Variants in DCBLD1 observed in about 807,000 individuals in gnomAD.
DCBLD1 encodes the protein discoidin, CUB and LCCL domain containing 1.
A neutral mutation model predicts 71.5 loss-of-function variants in DCBLD1; 57 were observed. That is an observed-to-expected ratio of 0.80 (90% CI 0.64 to 0.99). The LOEUF (loss-of-function observed/expected upper bound fraction) is 0.99. Ranked by LOEUF, DCBLD1 falls within the 50% of genes least tolerant of loss-of-function variation. The pLI, the probability that DCBLD1 is intolerant of heterozygous loss-of-function variation, is 0.00. For synonymous variants in DCBLD1, 380 were observed against 363.8 expected, an observed-to-expected ratio of 1.04 and a Z score of -0.51; for missense variants, 891 against 923.5, an observed-to-expected ratio of 0.96 and a Z score of 0.46.
chr6:117,483,493 C>T (rs572521347), intron 1 of DCBLD1, among the ~76,000 whole-genome samples: 8 of 152,190 alleles, frequency 5.3e-5, no homozygotes, highest in Non-Finnish European at 8.8e-5. Flanking sequence ...CCTGCTGGCG[C>T]CGCAAGTTGG....
At position 117,548,198 on chromosome 6, in the gene DCBLD1, C is replaced by G. The variant is rs1055974215; in HGVS notation, c.1907C>G (p.Ser636Trp). Residue 636 changes from serine to tryptophan, a missense_variant, in exon 15 of 15, where the codon TCG becomes TGG. By Grantham distance (177) the Ser-to-Trp change is radical (BLOSUM62 -3). Transcript: ENST00000338728. ...PQPGHKHSLSSGGFSPVAGVG... is the reference protein window; with the variant it reads ...PQPGHKHSLSWGGFSPVAGVG... ...CCCGGCCACAAACACTCCCTCTCCT[C>G]GGGCGGCTTCTCCCCCGTAGCGGGT... 3.2e-6 allele frequency: 5 copies of G among 1,550,356 alleles called. No homozygotes were observed. The African/African-American group carries it at 5.5e-5, about 17-fold the overall frequency.
intron 1 of DCBLD1, among the ~76,000 whole-genome samples, chr6:117,490,141 T>A (rs1186084569): frequency 6.6e-6 from 1 of 151,686 alleles, no homozygotes; most frequent in Non-Finnish European, 1.5e-5. Flanking sequence ...AGCAAATACA[T>A]GTGTGTACAC....
At chr6:117,538,944 C>A in intron 8 of DCBLD1, 109 bp downstream of exon 8, 1 of 1,130,312 alleles carries the variant, frequency 8.8e-7, no homozygotes, top group Non-Finnish European at 1.2e-6. Context: ...TACCTACCTC[C>A]AAGTTCTTGA....
chr6:117,537,633 T>C (rs1418661376), intron 7 of DCBLD1, among the ~76,000 whole-genome samples: 1 of 148,820 alleles, frequency 6.7e-6, no homozygotes, highest in Non-Finnish European at 1.5e-5. Flanking sequence ...TTTTTTTTTT[T>C]TTTCCTTTTT....
At chr6:117,494,576 G>A (rs999514129) in intron 1 of DCBLD1, among the ~76,000 whole-genome samples, 13 of 151,782 alleles carry the variant, frequency 8.6e-5, no homozygotes, top group Non-Finnish European at 8.8e-5. Flanking sequence ...GAATTGTTTC[G>A]CTGTACAAAC....
At chr6:117,532,506 A>C (rs570566771) in intron 6 of DCBLD1, 113 bp downstream of exon 6, 25 of 1,351,322 alleles carry the variant, frequency 1.9e-5, no homozygotes, top group Non-Finnish European at 2.4e-5. Context: ...AGGGTTTGTC[A>C]ACTGGAAAAA....
intron 14 of DCBLD1, among the ~76,000 whole-genome samples, chr6:117,547,405 G>A (rs1779301698): frequency 6.6e-6 from 1 of 152,154 alleles, no homozygotes; most frequent in South Asian, 2.1e-4. Flanking sequence ...AATAGCGCCT[G>A]GCAAAGAGTA....
chr6:117,561,894 T>C, intron 14 of DCBLD1: 1 of 207,208 alleles, frequency 4.8e-6, no homozygotes, highest in Non-Finnish European at 9.9e-6. Flanking sequence ...ATATAGTGTA[T>C]CTGGGAAAGC....
exon 15 of DCBLD1, chr6:117,569,781 T>G: frequency 6.6e-7 from 1 of 1,504,892 alleles, no homozygotes; most frequent in Non-Finnish European, 8.8e-7. Context: ...CTTTGTAAGG[T>G]ACAGTTACCG....
chr6:117,559,089 C>T (rs774272152), intron 14 of DCBLD1, among the ~76,000 whole-genome samples: 8 of 152,206 alleles, frequency 5.3e-5, no homozygotes, highest in Admixed American at 1.3e-4. Flanking sequence ...ACTCACCAAC[C>T]AGATGTCACT....
intron 7 of DCBLD1, 71 bp from the exon 8 acceptor site, chr6:117,538,549 G>A: frequency 7.1e-7 from 1 of 1,402,278 alleles, no homozygotes; most frequent in South Asian, 1.2e-5. Context: ...TAGGTGAGAT[G>A]TGGTACTACT....
At position 117,482,713 on chromosome 6, in the gene DCBLD1, C is replaced by G. The variant is rs1295682799; in HGVS notation, c.-69C>G. On this transcript the variant is annotated 5_prime_UTR_variant, in exon 1 of 15. Transcript: ENST00000338728. ...CTCGTCCGCAGAGGAGGCGGCCCGGCCCGGGCAGCTGCGGCTCGGGATCCG... is the reference window on the plus strand; with the variant it reads ...CTCGTCCGCAGAGGAGGCGGCCCGGGCCGGGCAGCTGCGGCTCGGGATCCG... The G allele has an allele frequency of 2.3e-5, 25 of 1,103,202 alleles. No individual in the cohort carries two copies. The highest frequency in any genetic ancestry group is 2.8e-5 in the Non-Finnish European group (25 of 906,504). 68.3% of individuals were successfully genotyped at this position (1,103,202 alleles called of 1,614,324 possible). A position where few individuals can be genotyped will look rare whatever the true frequency, so the allele number is the denominator to read the frequency against.
intron 7 of DCBLD1, 150 bp downstream of exon 7, chr6:117,537,375 A>G (rs539055615): frequency 8.0e-5 from 51 of 641,122 alleles, no homozygotes; most frequent in Non-Finnish European, 1.3e-4. Context: ...TCTACTAAAA[A>G]TACAAAAAAT....
chr6:117,483,389 C>T (rs1562422443), intron 1 of DCBLD1, among the ~76,000 whole-genome samples: 1 of 152,222 alleles, frequency 6.6e-6, no homozygotes, highest in Non-Finnish European at 1.5e-5. Context: ...CCGGCGTGTG[C>T]GTTCGGGGCT....
chr6:117,527,273 CAG>C (rs927205051), intron 5 of DCBLD1, among the ~76,000 whole-genome samples: 17 of 152,288 alleles, frequency 1.1e-4, no homozygotes, highest in African/African-American at 1.9e-4. Flanking sequence ...CACCCACACT[CAG>C]GGGGATTCAG....
chr6:117,565,187 G>T (rs548348702), intron 14 of DCBLD1, among the ~76,000 whole-genome samples: 17 of 152,258 alleles, frequency 1.1e-4, no homozygotes, highest in African/African-American at 3.9e-4. Flanking sequence ...ATTCTAGTTA[G>T]AAGAGTAGCA....
chr6:117,513,950 G>A (rs1778107653), intron 2 of DCBLD1, among the ~76,000 whole-genome samples: 1 of 152,146 alleles, frequency 6.6e-6, no homozygotes. Context: ...GGGCAGGGGT[G>A]AGTGGAGAAA....
Position 117,549,499 on chromosome 6 carries a change from T to C in DCBLD1, c.*1060T>C, listed in dbSNP as rs778533330. 9 of 985,308 alleles carry C rather than the reference T, an allele frequency of 9.1e-6. No individual in the cohort carries two copies. Among genetic ancestry groups the C allele is most frequent in the Non-Finnish European group, 9.6e-6 (8 of 829,940 alleles). The allele number at this position is 985,308 out of a possible 1,614,324, so 61.0% of individuals were successfully genotyped here. A position where few individuals can be genotyped will look rare whatever the true frequency, so the allele number is the denominator to read the frequency against. ...GCTGTACCTCATGCTCAGTAGTTTT[T>C]ATTTGAGTTTCTTTTGTGAGTTAAC... On this transcript the variant is annotated 3_prime_UTR_variant, in exon 15 of 15. Coordinates refer to ENST00000338728, the MANE Select transcript of DCBLD1 (RefSeq NM_001366458.2).
intron 5 of DCBLD1, among the ~76,000 whole-genome samples, chr6:117,526,447 TTTTA>T (rs1265103305): frequency 7.2e-5 from 11 of 152,180 alleles, no homozygotes; most frequent in Admixed American, 3.3e-4. Context: ...AATAGAAAGT[TTTTA>T]TTTATCATTT....
Sources: gnomAD v4.1 joint callset for allele counts (sites outside exome capture counted in the v4.1 genomes callset) on GRCh38, gnomAD v4.1.1 for gene constraint, MANE v1.5 for transcripts, NCBI Gene and HGNC (gene_info 2026-07-23, HGNC 2026-07-21) for gene names.